BACH2: variants seen among roughly 807,000 people sequenced by gnomAD.
BACH2 encodes the protein transcription regulator protein BACH2.
A neutral mutation model predicts 61.8 loss-of-function variants in BACH2; 5 were observed. The observed-to-expected ratio is 0.08, with a 90% CI of 0.04 to 0.17. BACH2 has a LOEUF of 0.17. BACH2 is among the 10% of genes least tolerant of loss of function. The pLI, the probability that BACH2 is intolerant of heterozygous loss-of-function variation, is 1.00. For missense variants in BACH2, 824 were observed against 1,091.1 expected (o/e 0.76, Z 3.45); for synonymous variants, 446 against 440.1 (o/e 1.01, Z -0.17).
At chr6:90,280,354 G>A (rs889270024) in intron 1 of BACH2, among the ~76,000 whole-genome samples, 1 of 152,120 alleles carries the variant, frequency 6.6e-6, no homozygotes, top group Non-Finnish European at 1.5e-5. Context: ...TCTTATAGGT[G>A]CCCAAATACA....
At chr6:90,260,702 G>A (rs1771129699) in intron 2 of BACH2, among the ~76,000 whole-genome samples, 1 of 152,168 alleles carries the variant, frequency 6.6e-6, no homozygotes, top group African/African-American at 2.4e-5. Flanking sequence ...AATTCTTTAT[G>A]TTAGTTTGGG....
intron 5 of BACH2, among the ~76,000 whole-genome samples, chr6:90,059,194 A>T (rs1780544355): frequency 1.3e-5 from 2 of 152,282 alleles, no homozygotes; most frequent in Non-Finnish European, 2.9e-5. Flanking sequence ...GGCAACCTAC[A>T]GAACGGGAGA....
Position 89,951,750 on chromosome 6 carries a change from T to C in BACH2, c.356A>G (p.His119Arg). The C allele has an allele frequency of 6.2e-7, 1 of 1,614,238 alleles. No homozygotes were observed. The highest frequency in any genetic ancestry group is 8.5e-7 in the Non-Finnish European group (1 of 1,180,034). ...VIRCAEFLRM[H>R]NLEDSCFSFL... ...GCTGAAGCAGGAGTCCTCCAGGTTG[T>C]GCATGCGCAGGAACTCAGCACAGCG... is the stretch of plus-strand genomic sequence containing the variant. Residue 119 changes from histidine to arginine, a missense_variant, in exon 7 of 9, where the codon CAC becomes CGC. Physicochemically the swap from His to Arg is conservative, Grantham distance 29. Around this residue, in one of 8 missense-constraint regions of BACH2, gnomAD observed 107 missense variants for 121.7 expected, o/e 0.88. Coordinates refer to ENST00000257749, the MANE Select transcript of BACH2 (RefSeq NM_021813.4). This position sits in a 1 kb window ranked among gnomAD's most constrained non-coding sequence, Gnocchi z 6.4.
intron 5 of BACH2, chr6:90,080,805 G>A (rs1346494961): frequency 5.1e-6 from 5 of 984,444 alleles, no homozygotes; most frequent in Admixed American, 6.2e-5. Context: ...TTCTTTCATC[G>A]TCTGGTAGTT....
intron 3 of BACH2, 141 bp downstream of exon 3, chr6:90,252,370 GAA>G (rs1325450735): frequency 2.0e-5 from 3 of 152,182 alleles, no homozygotes; most frequent in Non-Finnish European, 2.9e-5. Flanking sequence ...GGCTACCAAA[GAA>G]AGGTTATAAC....
At chr6:90,083,918 A>G (rs560953636) in intron 5 of BACH2, among the ~76,000 whole-genome samples, 2 of 152,138 alleles carry the variant, frequency 1.3e-5, no homozygotes, top group Non-Finnish European at 2.9e-5. Flanking sequence ...AGTTTTTCCA[A>G]AGCAGTTTCT....
chr6:90,220,008 C>G (rs1228428444), intron 3 of BACH2, among the ~76,000 whole-genome samples: 1 of 151,970 alleles, frequency 6.6e-6, no homozygotes, highest in East Asian at 1.9e-4. Flanking sequence ...AGAGATGACA[C>G]TTCAGAAGAA....
chr6:90,017,690 A>G (rs1582205089), intron 5 of BACH2, among the ~76,000 whole-genome samples: 1 of 152,192 alleles, frequency 6.6e-6, no homozygotes, highest in East Asian at 1.9e-4. Flanking sequence ...GTCTCTACTT[A>G]AGATGTTCAA....
At chr6:90,161,083 T>C (rs1441274529) in intron 4 of BACH2, among the ~76,000 whole-genome samples, 18 of 85,638 alleles carry the variant, frequency 2.1e-4, no homozygotes, top group African/African-American at 1.1e-3. Context: ...CGAGACTCCG[T>C]CTCAAAAAAA....
intron 5 of BACH2, among the ~76,000 whole-genome samples, chr6:90,078,785 G>A (rs9451343): frequency 0.057 from 8,626 of 152,128 alleles, 755 homozygotes; most frequent in African/African-American, 0.19. Context: ...ACAGATCAAG[G>A]TCAACAAGTA....
chr6:89,994,109 A>G (rs887825936), intron 6 of BACH2, among the ~76,000 whole-genome samples: 8 of 152,250 alleles, frequency 5.3e-5, no homozygotes. Context: ...TTGTTTGAAA[A>G]TAACCACGAA....
intron 1 of BACH2, among the ~76,000 whole-genome samples, chr6:90,278,704 G>A (rs1771768057): frequency 6.6e-6 from 1 of 152,156 alleles, no homozygotes; most frequent in Non-Finnish European, 1.5e-5. Flanking sequence ...GTAGGGCAAA[G>A]GTGCAGACTG....
chr6:90,217,436 T>G (rs1422453249), intron 3 of BACH2, among the ~76,000 whole-genome samples: 7 of 152,154 alleles, frequency 4.6e-5, no homozygotes, highest in Admixed American at 4.6e-4. Flanking sequence ...CTAAAAGAAA[T>G]AGCTGCACAA....
At chr6:90,268,453 C>G (rs1398616778) in intron 2 of BACH2, among the ~76,000 whole-genome samples, 2 of 152,220 alleles carry the variant, frequency 1.3e-5, no homozygotes, top group East Asian at 3.9e-4. Flanking sequence ...GAACTGGACT[C>G]TGCAGACCAG....
intron 4 of BACH2, among the ~76,000 whole-genome samples, chr6:90,183,946 T>A (rs1768257753): frequency 6.6e-6 from 1 of 152,212 alleles, no homozygotes; most frequent in Admixed American, 6.5e-5. Context: ...TAAACAACAT[T>A]TAACCATGAG....
At chr6:90,046,102 C>T (rs1779765828) in intron 5 of BACH2, among the ~76,000 whole-genome samples, 1 of 152,202 alleles carries the variant, frequency 6.6e-6, no homozygotes, top group South Asian at 2.1e-4. Flanking sequence ...GTGTCCCATC[C>T]ACGTCTGAAA....
At chr6:90,295,662 T>C (rs2127896548) in intron 1 of BACH2, among the ~76,000 whole-genome samples, 1 of 151,340 alleles carries the variant, frequency 6.6e-6, no homozygotes, top group East Asian at 2.0e-4. Context: ...AGGGTGTGTG[T>C]GTGTGTGTGT....
chr6:90,247,662 T>G (rs2127868478), intron 3 of BACH2, among the ~76,000 whole-genome samples: 1 of 152,300 alleles, frequency 6.6e-6, no homozygotes, highest in East Asian at 1.9e-4. Flanking sequence ...CTCTACCTAC[T>G]TTTTTAGTCT....
chr6:90,027,857 T>C (rs1380088242), intron 5 of BACH2, among the ~76,000 whole-genome samples: 1 of 152,232 alleles, frequency 6.6e-6, no homozygotes, highest in Non-Finnish European at 1.5e-5. Flanking sequence ...ATAAAAGCTA[T>C]TCTTATGAAA....
Sources: gnomAD v4.1 joint callset for allele counts (sites outside exome capture counted in the v4.1 genomes callset) on GRCh38, gnomAD v4.1.1 for gene constraint, gnomAD v4.1.1 regional missense constraint, Gnocchi (gnomAD v3.1) non-coding constraint, MANE v1.5 for transcripts, NCBI Gene and HGNC (gene_info 2026-07-23, HGNC 2026-07-21) for gene names.